Variants in CLEC7A observed in about 807,000 individuals in gnomAD.
The protein encoded by CLEC7A is C-type lectin domain containing 7A.
In CLEC7A, 25 loss-of-function variants were observed where a neutral mutation model predicts 26.9. The ratio of observed to expected loss-of-function variants is 0.93; its 90% CI spans 0.68 to 1.30. The LOEUF (loss-of-function observed/expected upper bound fraction) is 1.30. Among genes scored for constraint, CLEC7A ranks in the 50% most tolerant of loss-of-function variants. CLEC7A has a pLI of 0.00. For missense variants in CLEC7A, 275 were observed against 286.7 expected (o/e 0.96, Z 0.29); for synonymous variants, 100 against 99.5 (o/e 1.01, Z -0.03).
At chr12:10,122,851 C>A (rs1003179389) in intron 5 of CLEC7A, among the ~76,000 whole-genome samples, 5 of 152,080 alleles carry the variant, frequency 3.3e-5, no homozygotes, top group African/African-American at 1.2e-4. Flanking sequence ...AGTGACTTAT[C>A]CCCAGTGTCA....
At chr12:10,129,602 CT>C (rs1948421377) in intron 1 of CLEC7A, among the ~76,000 whole-genome samples, 1 of 151,994 alleles carries the variant, frequency 6.6e-6, no homozygotes, top group Admixed American at 6.5e-5. Context: ...CCCCTTATAT[CT>C]TTTTGTTTTG....
At chr12:10,128,223 C>CACACACAT (rs1173963595) in intron 1 of CLEC7A, among the ~76,000 whole-genome samples, 1 of 144,234 alleles carries the variant, frequency 6.9e-6, no homozygotes, top group African/African-American at 2.9e-5. Context: ...CACACACACA[C>CACACACAT]ACACACACAC....
intron 4 of CLEC7A, among the ~76,000 whole-genome samples, chr12:10,123,985 A>G (rs1334016817): frequency 6.6e-6 from 1 of 152,224 alleles, no homozygotes; most frequent in Non-Finnish European, 1.5e-5. Flanking sequence ...GGCAGTTTTC[A>G]TGGATGATTA....
intron 5 of CLEC7A, among the ~76,000 whole-genome samples, chr12:10,119,849 A>AC (rs1399764765): frequency 2.9e-5 from 4 of 136,586 alleles, no homozygotes; most frequent in Admixed American, 6.9e-5. Flanking sequence ...AAAAAAAAAA[A>AC]CAAACAGAAA....
In CLEC7A at chr12:10,117,911, C is replaced by G. The variant is rs1316282012; in HGVS notation, c.*547G>C. The stretch of plus-strand genomic sequence containing the variant: ...CCAAGTCAATGGCAGAATGAAAATT[C>G]AAGCTTGGGGCCAGGTGTGGTGGCT... On this transcript the variant is annotated 3_prime_UTR_variant, in exon 6 of 6. Coordinates refer to ENST00000304084, the MANE Select transcript of CLEC7A (RefSeq NM_197947.3). The G allele has an allele frequency of 6.6e-6, 1 of 152,438 alleles. No homozygotes were observed. Among genetic ancestry groups the G allele is most frequent in the Non-Finnish European group, 1.5e-5 (1 of 68,284 alleles). 9.4% of individuals were successfully genotyped at this position (152,438 alleles called of 1,614,324 possible). A position where few individuals can be genotyped will look rare whatever the true frequency, so the allele number is the denominator to read the frequency against.
chr12:10,129,911 C>A, intron 1 of CLEC7A, 69 bp downstream of exon 1: 2 of 910,452 alleles, frequency 2.2e-6, no homozygotes, highest in Non-Finnish European at 1.8e-6. Flanking sequence ...AGCCACCATG[C>A]CTAGCCTCCC....
In CLEC7A at chr12:10,118,563, T is replaced by C; in HGVS notation, c.639A>G (p.Gln213=). ...NLFQIRTTAT[Q]ENPSPNCVWI... is the part of the protein sequence containing the mutation. Reference sequence around the variant, plus strand: ...ATACACAATTTGGAGATGGGTTTTCTTGGGTAGCTGTGGTTCTGATCTGAA... The same window carrying C: ...ATACACAATTTGGAGATGGGTTTTCCTGGGTAGCTGTGGTTCTGATCTGAA... Residue 213 remains glutamine (Q), a synonymous_variant, in exon 6 of 6, where the codon CAA becomes CAG. Transcript: ENST00000304084. The C allele has an allele frequency of 6.2e-7, 1 of 1,613,582 alleles. No individual in the cohort carries two copies. The highest frequency in any genetic ancestry group is 8.5e-7 in the Non-Finnish European group (1 of 1,179,552).
chr12:10,119,886 T>C (rs1400752577), intron 5 of CLEC7A, among the ~76,000 whole-genome samples: 2 of 151,454 alleles, frequency 1.3e-5, no homozygotes, highest in African/African-American at 4.9e-5. Flanking sequence ...ATTGGAATTA[T>C]CAGACACAAG....
chr12:10,125,181 A>G (rs1239598901), intron 4 of CLEC7A, 116 bp downstream of exon 4: 3 of 103,446 alleles, frequency 2.9e-5, no homozygotes, highest in Non-Finnish European at 4.8e-5. Flanking sequence ...ACTCTGCCTC[A>G]AAAAAAAAAA....
chr12:10,125,299 ATTCAT>A lies in CLEC7A; in HGVS notation c.485_489del (p.Asn162IlefsTer13). 1 of 1,613,208 alleles carries A rather than the reference ATTCAT, an allele frequency of 6.2e-7. No homozygotes were observed. The highest frequency in any genetic ancestry group is 8.5e-7 in the Non-Finnish European group (1 of 1,179,592). The stretch of plus-strand genomic sequence containing the variant: ...TCATAACAGAAGTCTACACTTACCA[ATTCAT>A]TTGAGCTGTCTATCTTTAGGAGATT... On this transcript the variant is annotated frameshift_variant, in exon 4 of 6. Coordinates refer to ENST00000304084, the MANE Select transcript of CLEC7A (RefSeq NM_197947.3). LOFTEE classifies it high-confidence loss of function.
At chr12:10,127,594 A>G in intron 2 of CLEC7A, 153 bp downstream of exon 2, 1 of 932,930 alleles carries the variant, frequency 1.1e-6, no homozygotes, top group Non-Finnish European at 1.7e-6. Flanking sequence ...TTATAAGTGA[A>G]ATGGGCATTA....
chr12:10,126,881 A>G, intron 2 of CLEC7A, 173 bp from the exon 3 acceptor site: 1 of 689,526 alleles, frequency 1.5e-6, no homozygotes, highest in Non-Finnish European at 2.3e-6. Context: ...AATAGATGAA[A>G]AGAAATACAT....
In CLEC7A at chr12:10,124,954, T is replaced by C. The variant is rs140344607; in HGVS notation, c.492+343A>G. 278 of 240,380 alleles carry C rather than the reference T, an allele frequency of 1.2e-3. 2 individuals carry two copies. The highest frequency in any genetic ancestry group is 5.9e-3 in the African/African-American group (256 of 43,700). 14.9% of individuals were successfully genotyped at this position (240,380 alleles called of 1,614,324 possible). On this transcript the variant is annotated intron_variant, in intron 4 of 5. Transcript: ENST00000304084. ...TGGCTTACACCTGTAATCCCAACAC[T>C]GGGAGATCGAGGTAGGCAGATCGCT... is the stretch of plus-strand genomic sequence containing the variant.
chr12:10,118,184 A>T lies in CLEC7A; in HGVS notation c.*274T>A. 1 of 326,360 alleles carries T rather than the reference A, an allele frequency of 3.1e-6. No homozygotes were observed. The highest frequency in any genetic ancestry group is 5.6e-6 in the Non-Finnish European group (1 of 179,134). The allele number at this position is 326,360 out of a possible 1,614,324, so 20.2% of individuals were successfully genotyped here. A position where few individuals can be genotyped will look rare whatever the true frequency, so the allele number is the denominator to read the frequency against. Reference sequence around the variant, plus strand: ...TAACAAAGTGAGACCCTATCTCAAAAAAATAAATAAATAAAAAATAAAAAC... The same window carrying T: ...TAACAAAGTGAGACCCTATCTCAAATAAATAAATAAATAAAAAATAAAAAC... On this transcript the variant is annotated 3_prime_UTR_variant, in exon 6 of 6. Coordinates refer to ENST00000304084, the MANE Select transcript of CLEC7A (RefSeq NM_197947.3).
chr12:10,123,611 A>G (rs971100915), intron 4 of CLEC7A, among the ~76,000 whole-genome samples: 2 of 143,788 alleles, frequency 1.4e-5, no homozygotes, highest in Admixed American at 1.3e-4. Flanking sequence ...AATACAAAAA[A>G]TTAGCCGGGC....
At chr12:10,122,731 T>A (rs1328269463) in intron 5 of CLEC7A, among the ~76,000 whole-genome samples, 1 of 152,108 alleles carries the variant, frequency 6.6e-6, no homozygotes, top group Non-Finnish European at 1.5e-5. Context: ...CCTCAAGTGA[T>A]CCGCCCACCT....
At chr12:10,123,414 AAG>A in intron 4 of CLEC7A, 51 bp from the exon 5 acceptor site, 1 of 976,168 alleles carries the variant, frequency 1.0e-6, no homozygotes, top group Non-Finnish European at 1.6e-6. Context: ...GAGAGAGAGA[AAG>A]AAACTATTAT....
At chr12:10,128,252 A>ACC (rs61634118) in intron 1 of CLEC7A, among the ~76,000 whole-genome samples, 5 of 139,210 alleles carry the variant, frequency 3.6e-5, no homozygotes, top group African/African-American at 1.6e-4. Flanking sequence ...ACACACCACC[A>ACC]ACAACAACAA....
intron 4 of CLEC7A, 68 bp downstream of exon 4, chr12:10,125,213 GAAAAATTGTCATTACC>G (rs767644558): frequency 1.9e-5 from 23 of 1,194,304 alleles, no homozygotes; most frequent in Non-Finnish European, 2.6e-5. Context: ...TTCATTTTAG[GAAAAATTGTCATTACC>G]TGGAATCTCC....
Sources: allele counts gnomAD v4.1 joint callset (sites outside exome capture counted in the v4.1 genomes callset), GRCh38; gene constraint gnomAD v4.1.1; transcripts MANE v1.5; gene names NCBI Gene and HGNC (gene_info 2026-07-23, HGNC 2026-07-21).